SYNE1: variants seen among roughly 807,000 people sequenced by gnomAD.
The protein encoded by SYNE1 is nesprin-1.
SYNE1 carries 616 observed loss-of-function variants against 1,111.0 expected under a neutral mutation model. That is an observed-to-expected ratio of 0.55 (90% CI 0.52 to 0.59). SYNE1 has a LOEUF of 0.59. Among genes scored for constraint, SYNE1 ranks in the 20% least tolerant of loss-of-function variants. SYNE1 has a pLI of 0.00. For synonymous variants in SYNE1, 3,855 were observed against 3,825.8 expected (o/e 1.01, Z -0.28); for missense variants, 10,006 against 10,417.0 (o/e 0.96, Z 1.72).
In SYNE1 at chr6:152,404,248, A is replaced by G. The variant is rs779460698; in HGVS notation, c.6790T>C (p.Leu2264=). ...GGCGGTGTTTCTAGATTTTTAGTTAATTCTTTCAGATCATTAACTTTGGAA... is the reference window on the plus strand; with the variant it reads ...GGCGGTGTTTCTAGATTTTTAGTTAGTTCTTTCAGATCATTAACTTTGGAA... ...LHSKVNDLKE[L]TKNLETPPDL... Residue 2264 remains leucine (L), a synonymous_variant, in exon 46 of 146, where the codon TTA becomes CTA. Coordinates refer to ENST00000367255, the MANE Select transcript of SYNE1 (RefSeq NM_182961.4). 1.2e-6 allele frequency: 2 copies of G among 1,612,992 alleles called. No homozygotes were observed. The highest frequency in any genetic ancestry group is 2.7e-5 in the African/African-American group (2 of 74,824).
chr6:152,450,119 C>T (rs563869674), intron 27 of SYNE1, among the ~76,000 whole-genome samples: 5 of 152,244 alleles, frequency 3.3e-5, no homozygotes, highest in South Asian at 2.1e-4. Flanking sequence ...GCAGTTACCC[C>T]GCTGCTGCTG....
intron 2 of SYNE1, among the ~76,000 whole-genome samples, chr6:152,628,920 C>A (rs1291052953): frequency 6.6e-6 from 1 of 152,182 alleles, no homozygotes. Context: ...GTTCTCTAGT[C>A]TGCTAATTTA....
At position 152,325,179 on chromosome 6, in the gene SYNE1, C is replaced by T. The variant is rs942243786; in HGVS notation, c.15562G>A (p.Val5188Ile). The T allele has an allele frequency of 3.7e-6, 6 of 1,614,090 alleles. No individual in the cohort carries two copies. The highest frequency in any genetic ancestry group is 2.2e-5 in the South Asian group (2 of 91,092). ...CGAAGGCGTGTCCAGCGCTGCCAGA[C>T]GGTGGTCATTGACCTGCTCAGGGTG... Reference protein sequence around the residue: ...KATLSRSMTTVWQRWTRLRAV... With the variant: ...KATLSRSMTTIWQRWTRLRAV... Residue 5188 changes from valine to isoleucine, a missense_variant, in exon 81 of 146, where the codon GTC becomes ATC. Physicochemically the swap from Val to Ile is conservative, Grantham distance 29. This residue lies in a region of SYNE1 where 4,955 missense variants were observed against 5,017.2 expected (regional missense o/e 0.99). Transcript: ENST00000367255.
chr6:152,585,209 T>C (rs955524137), intron 3 of SYNE1, among the ~76,000 whole-genome samples: 1 of 145,944 alleles, frequency 6.9e-6, no homozygotes, highest in African/African-American at 2.8e-5. Context: ...CCATGACTGT[T>C]AAGTTTCCTG....
intron 38 of SYNE1, chr6:152,427,460 T>C (rs909773407): frequency 3.3e-6 from 2 of 606,290 alleles, no homozygotes; most frequent in Non-Finnish European, 5.8e-6. Flanking sequence ...TACAGGATTT[T>C]CTAACACATC....
intron 131 of SYNE1, among the ~76,000 whole-genome samples, chr6:152,162,288 T>C (rs1025299613): frequency 1.3e-5 from 2 of 152,342 alleles, no homozygotes; most frequent in Non-Finnish European, 2.9e-5. Flanking sequence ...ACATCACTGA[T>C]CTATCCACTT....
intron 3 of SYNE1, among the ~76,000 whole-genome samples, chr6:152,624,671 A>G (rs2099682430): frequency 6.6e-6 from 1 of 152,194 alleles, no homozygotes; most frequent in Non-Finnish European, 1.5e-5. Flanking sequence ...CATTATTCTT[A>G]AAAGCAAATG....
rs765058556 is a variant in SYNE1, at chr6:152,224,588, T to C, written c.21428A>G (p.Asn7143Ser). 3 of 1,614,008 alleles carry C rather than the reference T, an allele frequency of 1.9e-6. No individual in the cohort carries two copies. Among genetic ancestry groups the C allele is most frequent in the East Asian group, 4.5e-5 (2 of 44,860 alleles). ...GTATCTGGCCTCCATGAGGTAACTG[T>C]TTATCTTGTCAAAGGCCACTTTGTG... Reference protein sequence around the residue: ...SSHKVAFDKINSYLMEARYSL... With the variant: ...SSHKVAFDKISSYLMEARYSL... The change falls in exon 117 of 146, where the codon AAC becomes AGC. Residue 7143 changes from asparagine to serine, a missense_variant. This residue lies in a region of SYNE1 where 2,182 missense variants were observed against 2,287.8 expected (regional missense o/e 0.95). Transcript: ENST00000367255.
In SYNE1 at chr6:152,224,508, C is replaced by G; in HGVS notation, c.21508G>C (p.Val7170Leu). The change falls in exon 117 of 146, where the codon GTG becomes CTG. Residue 7170 changes from valine (V) to leucine (L), a missense_variant. By Grantham distance (32) the Val-to-Leu change is conservative (BLOSUM62 1). This residue lies in a region of SYNE1 where 2,182 missense variants were observed against 2,287.8 expected (regional missense o/e 0.95). Coordinates refer to ENST00000367255, the MANE Select transcript of SYNE1 (RefSeq NM_182961.4). The part of the protein sequence containing the change: ...TGSLEAVQVQ[V>L]DNLQNLQDDL... Reference sequence around the variant, plus strand: ...TAATTCCTTACCTGAAGATTGTCCACCTGAACTTGCACAGCTTCTAAGGAG... The same window carrying G: ...TAATTCCTTACCTGAAGATTGTCCAGCTGAACTTGCACAGCTTCTAAGGAG... 1 of 1,614,018 alleles carries G rather than the reference C, an allele frequency of 6.2e-7. No homozygotes were observed. The highest frequency in any genetic ancestry group is 8.5e-7 in the Non-Finnish European group (1 of 1,179,936).
In SYNE1 at chr6:152,425,466, A is replaced by T. The variant is rs1563924889; in HGVS notation, c.5182T>A (p.Ser1728Thr). Reference protein sequence around the residue: ...QLKESLFSVASKDDVKMMKLH... With the variant: ...QLKESLFSVATKDDVKMMKLH... Reference sequence around the variant, plus strand: ...TTCATCATTTTCACATCATCTTTGGAGGCTACTGAGAACAATGATTCCTTC... The same window carrying T: ...TTCATCATTTTCACATCATCTTTGGTGGCTACTGAGAACAATGATTCCTTC... The change falls in exon 39 of 146, where the codon TCC becomes ACC. Residue 1728 changes from serine (S) to threonine (T), a missense_variant. Physicochemically the swap from Ser to Thr is moderately conservative, Grantham distance 58. Coordinates refer to ENST00000367255, the MANE Select transcript of SYNE1 (RefSeq NM_182961.4). 14 of 1,614,146 alleles carry T rather than the reference A, an allele frequency of 8.7e-6. No homozygotes were observed. Among genetic ancestry groups the T allele is most frequent in the Non-Finnish European group, 1.2e-5 (14 of 1,180,006 alleles).
At chr6:152,158,124 T>C (rs2061732321) in intron 131 of SYNE1, among the ~76,000 whole-genome samples, 1 of 152,230 alleles carries the variant, frequency 6.6e-6, no homozygotes, top group Admixed American at 6.5e-5. Flanking sequence ...TGGATTTCCC[T>C]GGAGTCCCAC....
At position 152,136,612 on chromosome 6, in the gene SYNE1, A is replaced by G. The variant is rs1407517229; in HGVS notation, c.25659+6T>C. 1 of 1,613,068 alleles carries G rather than the reference A, an allele frequency of 6.2e-7. No homozygotes were observed. On this transcript the variant is annotated splice_donor_region_variant and intron_variant, in intron 141 of 145. Coordinates refer to ENST00000367255, the MANE Select transcript of SYNE1 (RefSeq NM_182961.4). Reference sequence around the variant, plus strand: ...TGAGTCACCTCCTGCCCAAAGCTCTACAGACCTGGCACTGCATCAGGGCAT... The same window carrying G: ...TGAGTCACCTCCTGCCCAAAGCTCTGCAGACCTGGCACTGCATCAGGGCAT...
intron 3 of SYNE1, among the ~76,000 whole-genome samples, chr6:152,613,765 A>T (rs1235111921): frequency 1.3e-5 from 2 of 152,234 alleles, no homozygotes; most frequent in African/African-American, 4.8e-5. Flanking sequence ...CCAAAGCAGC[A>T]TAGTACTGGT....
intron 34 of SYNE1, 104 bp downstream of exon 34, chr6:152,433,691 C>A: frequency 7.5e-7 from 1 of 1,336,548 alleles, no homozygotes; most frequent in Middle Eastern, 1.8e-4. Context: ...AGTCACATTG[C>A]AATGAAAGTC....
chr6:152,367,707 A>G (rs1159281222), intron 61 of SYNE1: 1 of 359,020 alleles, frequency 2.8e-6, no homozygotes, highest in East Asian at 6.6e-5. Context: ...GTTTTCACAT[A>G]TCACATTAGG....
Position 152,526,150 on chromosome 6 carries a change from T to A in SYNE1, c.155A>T (p.Asp52Val). 1 of 1,614,144 alleles carries A rather than the reference T, an allele frequency of 6.2e-7. No individual in the cohort carries two copies. Among genetic ancestry groups the A allele is most frequent in the Non-Finnish European group, 8.5e-7 (1 of 1,179,990 alleles). ...AKRKPPMVVD[D>V]LFEDMKDGVK... Reference sequence around the variant, plus strand: ...ACCATCTTTCATGTCTTCAAAAAGATCGTCCACCACCATTGGAGGTTTCCG... The same window carrying A: ...ACCATCTTTCATGTCTTCAAAAAGAACGTCCACCACCATTGGAGGTTTCCG... The change falls in exon 5 of 146, where the codon GAT becomes GTT. Residue 52 changes from aspartate (D) to valine (V), a missense_variant. Around this residue, in one of 7 missense-constraint regions of SYNE1, gnomAD observed 1,971 missense variants for 2,084.1 expected, o/e 0.95. Transcript: ENST00000367255.
intron 56 of SYNE1, among the ~76,000 whole-genome samples, chr6:152,379,570 A>T (rs1261645050): frequency 6.6e-6 from 1 of 152,204 alleles, no homozygotes; most frequent in African/African-American, 2.4e-5. Context: ...ATTTTCTTAC[A>T]TATTCATTGT....
chr6:152,123,899 A>T (rs902745981), intron 145 of SYNE1, among the ~76,000 whole-genome samples: 4 of 152,248 alleles, frequency 2.6e-5, no homozygotes, highest in African/African-American at 9.6e-5. Context: ...TTAATTTCTG[A>T]AGACAGACTA....
At chr6:152,540,898 C>G (rs966560919) in intron 3 of SYNE1, among the ~76,000 whole-genome samples, 2 of 152,110 alleles carry the variant, frequency 1.3e-5, no homozygotes, top group Non-Finnish European at 2.9e-5. Flanking sequence ...TGACAGAGCC[C>G]AAAAGTGGAT....
Sources: gnomAD v4.1 joint callset for allele counts (sites outside exome capture counted in the v4.1 genomes callset) on GRCh38, gnomAD v4.1.1 for gene constraint, gnomAD v4.1.1 regional missense constraint, MANE v1.5 for transcripts, NCBI Gene and HGNC (gene_info 2026-07-23, HGNC 2026-07-21) for gene names.